GRM3: variants seen among roughly 807,000 people sequenced by gnomAD.
GRM3 encodes the protein glutamate metabotropic receptor 3.
In GRM3, 26 loss-of-function variants were observed where a neutral mutation model predicts 70.5. The observed-to-expected ratio is 0.37, with a 90% CI of 0.27 to 0.51. The LOEUF is 0.51. Among genes scored for constraint, GRM3 ranks in the 20% least tolerant of loss-of-function variants. GRM3 has a pLI of 0.93. For synonymous variants in GRM3, 443 were observed against 434.9 expected (o/e 1.02, Z -0.23); for missense variants, 859 against 1,123.8 (o/e 0.76, Z 3.37).
chr7:86,834,340 T>C (rs1324296034), intron 3 of GRM3, among the ~76,000 whole-genome samples: 1 of 152,212 alleles, frequency 6.6e-6, no homozygotes, highest in Non-Finnish European at 1.5e-5. Context: ...CTTTTCCTGT[T>C]GTATTTTCTA....
intron 5 of GRM3, among the ~76,000 whole-genome samples, chr7:86,862,243 C>G (rs1798974748): frequency 6.6e-6 from 1 of 152,156 alleles, no homozygotes; most frequent in African/African-American, 2.4e-5. Context: ...AGAAAAAGCA[C>G]ATATTGAATG....
chr7:86,748,894 G>A (rs768849108), intron 1 of GRM3, among the ~76,000 whole-genome samples: 7 of 151,956 alleles, frequency 4.6e-5, no homozygotes, highest in Admixed American at 6.6e-5. Context: ...TTAATCCTCC[G>A]CAGTTAATAA....
intron 4 of GRM3, among the ~76,000 whole-genome samples, chr7:86,842,587 C>T (rs191239415): frequency 1.2e-3 from 179 of 152,216 alleles, no homozygotes; most frequent in African/African-American, 4.0e-3. Context: ...AGAGGAAAAT[C>T]GTGTGGTTCG....
intron 1 of GRM3, among the ~76,000 whole-genome samples, chr7:86,665,613 G>A (rs568451254): frequency 6.6e-6 from 1 of 151,890 alleles, no homozygotes; most frequent in Non-Finnish European, 1.5e-5. Context: ...TTATTTTTAT[G>A]GAATTTTCCT....
At position 86,812,714 on chromosome 7, in the gene GRM3, T is replaced by A. The variant is rs551668770; in HGVS notation, c.1324+25598T>A. Among the ~76,000 whole-genome samples the A allele has an allele frequency of 1.6e-4, 24 of 151,928 alleles. No homozygotes were observed. The South Asian group carries it at 4.6e-3, about 29-fold the overall frequency. ...TAATTGCATCTCAGCAGATATTTGT[T>A]GTGGAAAAATTGGTCTATTTGGGGA... On this transcript the variant is annotated intron_variant, in intron 3 of 5. Coordinates refer to ENST00000361669, the MANE Select transcript of GRM3 (RefSeq NM_000840.3).
intron 4 of GRM3, among the ~76,000 whole-genome samples, chr7:86,843,015 A>T (rs7788115): frequency 0.12 from 18,448 of 152,042 alleles, 1,449 homozygotes; most frequent in Non-Finnish European, 0.17. Context: ...TATCAGTCTT[A>T]CTCAGTTGGA....
intron 3 of GRM3, among the ~76,000 whole-genome samples, chr7:86,824,139 A>T (rs895543815): frequency 6.6e-6 from 1 of 152,138 alleles, no homozygotes; most frequent in South Asian, 2.1e-4. Context: ...TTATCTTTTA[A>T]TAGCTATGAT....
chr7:86,785,070 A>T (rs1304733213), intron 2 of GRM3, among the ~76,000 whole-genome samples: 4 of 152,260 alleles, frequency 2.6e-5, no homozygotes, highest in African/African-American at 9.6e-5. Context: ...TACATGTCAA[A>T]TATAAACGTG....
chr7:86,860,682 A>G (rs1220417463), intron 5 of GRM3, among the ~76,000 whole-genome samples: 1 of 152,162 alleles, frequency 6.6e-6, no homozygotes, highest in African/African-American at 2.4e-5. Context: ...AAGTTGTTCT[A>G]TTAACTTCCA....
intron 3 of GRM3, among the ~76,000 whole-genome samples, chr7:86,807,335 C>T (rs538371777): frequency 6.5e-5 from 6 of 91,690 alleles, no homozygotes; most frequent in African/African-American, 4.0e-4. Context: ...TTACCTTGGG[C>T]AGTATGGCCA....
chr7:86,768,528 T>C (rs996370327), intron 2 of GRM3, among the ~76,000 whole-genome samples: 2 of 152,194 alleles, frequency 1.3e-5, no homozygotes, highest in Non-Finnish European at 2.9e-5. Context: ...TAATTCAGAA[T>C]ATGTTCATGT....
chr7:86,652,423 C>T (rs1409824035), intron 1 of GRM3, among the ~76,000 whole-genome samples: 6 of 152,114 alleles, frequency 3.9e-5, no homozygotes, highest in Non-Finnish European at 7.4e-5. Context: ...TTCCGCCTCC[C>T]GGATTCAAGC....
At chr7:86,838,214 T>C (rs924015589) in intron 3 of GRM3, among the ~76,000 whole-genome samples, 4 of 152,326 alleles carry the variant, frequency 2.6e-5, no homozygotes, top group African/African-American at 9.6e-5. Context: ...GACACAGGCA[T>C]ATATGTAGTC....
At chr7:86,811,436 T>C (rs1044933735) in intron 3 of GRM3, among the ~76,000 whole-genome samples, 1 of 151,962 alleles carries the variant, frequency 6.6e-6, no homozygotes, top group South Asian at 2.1e-4. Context: ...TTTCCTTTCC[T>C]GCAATGTTTC....
intron 1 of GRM3, among the ~76,000 whole-genome samples, chr7:86,717,338 C>A (rs372627793): frequency 1.3e-5 from 2 of 151,950 alleles, no homozygotes; most frequent in East Asian, 3.9e-4. Flanking sequence ...TACTTCCATT[C>A]AAGTATGTGT....
At position 86,786,380 on chromosome 7, in the gene GRM3, C is replaced by T. The variant is rs2116541607; in HGVS notation, c.588C>T (p.Tyr196=). ...YFARTVPPDF[Y]QAKAMAEILR... ...CCAGGACCGTGCCCCCCGACTTCTA[C>T]CAGGCCAAAGCCATGGCTGAGATCT... The change falls in exon 3 of 6, where the codon TAC becomes TAT. Residue 196 remains tyrosine, a synonymous_variant. Transcript: ENST00000361669. This position sits in a 1 kb window ranked among gnomAD's most constrained non-coding sequence, Gnocchi z 6.0. 3.1e-6 allele frequency: 5 copies of T among 1,614,178 alleles called. No individual in the cohort carries two copies. The highest frequency in any genetic ancestry group is 4.2e-6 in the Non-Finnish European group (5 of 1,180,034).
At chr7:86,809,006 G>C (rs1458334891) in intron 3 of GRM3, among the ~76,000 whole-genome samples, 1 of 151,806 alleles carries the variant, frequency 6.6e-6, no homozygotes, top group Non-Finnish European at 1.5e-5. Context: ...TTTCAAATAG[G>C]GAACATTTTT....
intron 3 of GRM3, among the ~76,000 whole-genome samples, chr7:86,801,758 T>G (rs1336028282): frequency 1.3e-5 from 2 of 152,156 alleles, no homozygotes; most frequent in African/African-American, 2.4e-5. Context: ...GGGACCATAG[T>G]GAGCAGAGGG....
At chr7:86,714,963 T>A (rs185690711) in intron 1 of GRM3, among the ~76,000 whole-genome samples, 1 of 151,916 alleles carries the variant, frequency 6.6e-6, no homozygotes, top group Non-Finnish European at 1.5e-5. Flanking sequence ...ACAAAACAAC[T>A]CTTGAATAAA....
Sources: allele counts gnomAD v4.1 joint callset (sites outside exome capture counted in the v4.1 genomes callset), GRCh38; gene constraint gnomAD v4.1.1; non-coding constraint Gnocchi (gnomAD v3.1); transcripts MANE v1.5; gene names NCBI Gene and HGNC (gene_info 2026-07-23, HGNC 2026-07-21).